The following A1CF variants were observed in gnomAD, a reference collection of about 807,000 sequenced individuals.
A1CF encodes the protein APOBEC1 complementation factor.
A1CF carries 48 observed loss-of-function variants against 68.9 expected under a neutral mutation model. That is an observed-to-expected ratio of 0.70 (90% CI 0.55 to 0.89). The LOEUF (loss-of-function observed/expected upper bound fraction) is 0.89, where lower values mean the gene tolerates loss of function less well. A1CF is among the 40% of genes least tolerant of loss of function. A1CF has a pLI of 0.00. For missense variants in A1CF, 653 were observed against 718.9 expected (o/e 0.91, Z 1.05); for synonymous variants, 272 against 260.4 (o/e 1.04, Z -0.43).
intron 2 of A1CF, chr10:50,862,887 A>G (rs1840810220): frequency 6.6e-6 from 1 of 152,156 alleles, no homozygotes; most frequent in African/African-American, 2.4e-5. Context: ...TATGTGTTAC[A>G]CCTCTTTGAA....
intron 6 of A1CF, among the ~76,000 whole-genome samples, chr10:50,834,316 T>C (rs1325927898): frequency 1.3e-5 from 2 of 152,186 alleles, no homozygotes; most frequent in Non-Finnish European, 2.9e-5. Flanking sequence ...GGGAGGAAAG[T>C]GACTAATTCG....
At chr10:50,877,053 C>T (rs1233269897) in intron 1 of A1CF, among the ~76,000 whole-genome samples, 1 of 152,110 alleles carries the variant, frequency 6.6e-6, no homozygotes, top group African/African-American at 2.4e-5. Flanking sequence ...TCCCAAAATG[C>T]CTGACTTCTA....
chr10:50,873,886 A>C (rs2132594953), intron 1 of A1CF, among the ~76,000 whole-genome samples: 1 of 152,306 alleles, frequency 6.6e-6, no homozygotes, highest in African/African-American at 2.4e-5. Context: ...AAAATACCAT[A>C]GGAACCACTG....
chr10:50,821,618 C>A (rs1220015312), intron 7 of A1CF, among the ~76,000 whole-genome samples: 1 of 151,976 alleles, frequency 6.6e-6, no homozygotes, highest in African/African-American at 2.4e-5. Flanking sequence ...TCACCGCAAC[C>A]CACCCCTCCC....
chr10:50,875,430 A>G (rs761432354), intron 1 of A1CF, among the ~76,000 whole-genome samples: 4 of 152,230 alleles, frequency 2.6e-5, no homozygotes, highest in Non-Finnish European at 5.9e-5. Flanking sequence ...GAAAGGAAGC[A>G]AAAGCTGTGG....
intron 3 of A1CF, among the ~76,000 whole-genome samples, chr10:50,846,534 C>A (rs1472987046): frequency 6.6e-6 from 1 of 151,996 alleles, no homozygotes; most frequent in Non-Finnish European, 1.5e-5. Context: ...GTATTTTTAC[C>A]CTTCAAGTTG....
At chr10:50,852,366 G>C (rs971979188) in intron 3 of A1CF, among the ~76,000 whole-genome samples, 8 of 152,138 alleles carry the variant, frequency 5.3e-5, no homozygotes, top group Non-Finnish European at 1.2e-4. Flanking sequence ...CCTCCACAAA[G>C]GGATTCACAG....
intron 3 of A1CF, among the ~76,000 whole-genome samples, chr10:50,857,723 T>TTGGC (rs1840552361): frequency 6.6e-6 from 1 of 152,180 alleles, no homozygotes; most frequent in South Asian, 2.1e-4. Context: ...GAACAATGGG[T>TTGGC]TGGCCTGCAG....
rs769626580 is a variant in A1CF at position 50,859,913 on chromosome 10, C to T, written c.28G>A (p.Gly10Arg). Residue 10 changes from glycine (G) to arginine (R), a missense_variant, in exon 3 of 13, where the codon GGA (glycine) becomes AGA (arginine). Gly to Arg is a moderately radical substitution (Grantham distance 125). Transcript: ENST00000373997. Reference protein sequence around the residue: MESNHKSGDGLSGTQKEAAL... With the variant: MESNHKSGDRLSGTQKEAAL... ...GCTTCCTTCTGAGTGCCGCTCAATC[C>T]ATCCCCGGATTTGTGATTTGATTCC... The T allele has an allele frequency of 6.2e-7, 1 of 1,614,016 alleles. No individual in the cohort carries two copies. The highest frequency in any genetic ancestry group is 1.1e-5 in the South Asian group (1 of 91,080).
At chr10:50,819,314 G>A (rs1366674610) in intron 8 of A1CF, among the ~76,000 whole-genome samples, 3 of 152,014 alleles carry the variant, frequency 2.0e-5, no homozygotes, top group African/African-American at 4.8e-5. Flanking sequence ...GTAGAGATGA[G>A]GTCTTGCCAT....
intron 11 of A1CF, 31 bp downstream of exon 11, chr10:50,811,009 A>G (rs759361469): frequency 6.3e-7 from 1 of 1,598,300 alleles, no homozygotes; most frequent in East Asian, 2.2e-5. Flanking sequence ...TCCTGCTCTA[A>G]AATGGTAAGG....
intron 1 of A1CF, among the ~76,000 whole-genome samples, chr10:50,882,020 A>G (rs1841796742): frequency 6.6e-6 from 1 of 152,242 alleles, no homozygotes. Flanking sequence ...AGATACCAGC[A>G]TATCTTATAC....
chr10:50,830,750 G>T (rs1839198788), intron 6 of A1CF, among the ~76,000 whole-genome samples: 1 of 152,082 alleles, frequency 6.6e-6, no homozygotes. Flanking sequence ...GTTTTTCACA[G>T]AAATAGAAAA....
At chr10:50,821,505 G>C (rs1053030345) in intron 7 of A1CF, among the ~76,000 whole-genome samples, 1 of 151,804 alleles carries the variant, frequency 6.6e-6, no homozygotes, top group East Asian at 1.9e-4. Context: ...AAAGAAAATA[G>C]ACCTGTATGT....
intron 2 of A1CF, among the ~76,000 whole-genome samples, chr10:50,861,065 G>T (rs138837298): frequency 6.6e-6 from 1 of 152,156 alleles, no homozygotes. Context: ...TATGCGTTGA[G>T]AATTCCTGTA....
Position 50,816,077 on chromosome 10 carries a change from G to A in A1CF, c.1070C>T (p.Pro357Leu). The change falls in exon 9 of 13, where the codon CCC (proline) becomes CTC (leucine). Residue 357 changes from proline (P) to leucine (L), a missense_variant. Pro to Leu is a moderately conservative substitution (Grantham distance 98). Transcript: ENST00000373997. ...FYAPQTYAAI[P>L]SLHFPATKGH... ...TTTGGTGGCTGGGAAATGAAGACTG[G>A]GAATTGCTGCATAGGTCTGGGGGGC... The A allele has an allele frequency of 1.2e-6, 2 of 1,613,820 alleles. No homozygotes were observed. Among genetic ancestry groups the A allele is most frequent in the Non-Finnish European group, 1.7e-6 (2 of 1,179,858 alleles).
intron 3 of A1CF, among the ~76,000 whole-genome samples, chr10:50,852,865 C>A (rs1031105784): frequency 6.6e-6 from 1 of 152,088 alleles, no homozygotes; most frequent in Non-Finnish European, 1.5e-5. Context: ...ATTTGAGGAA[C>A]ATTCAATTAA....
In A1CF at chr10:50,862,108, G is replaced by A. The variant is rs181519014; in HGVS notation, c.-46+1925C>T. Among the ~76,000 whole-genome samples, 326 of 152,170 alleles carry A rather than the reference G, an allele frequency of 2.1e-3. 2 individuals carry two copies. Among genetic ancestry groups the A allele is most frequent in the Non-Finnish European group, 3.5e-3 (240 of 67,984 alleles). On this transcript the variant is annotated intron_variant, in intron 2 of 12. Transcript: ENST00000373997. The stretch of plus-strand genomic sequence containing the variant: ...TGGCCAGGTGCAGTGGCTCTGGCCT[G>A]TAATCCCAGCACTTTGGGAGGCCAA...
At chr10:50,832,867 GTT>G (rs61524223) in intron 6 of A1CF, among the ~76,000 whole-genome samples, 3 of 147,374 alleles carry the variant, frequency 2.0e-5, no homozygotes, top group African/African-American at 7.4e-5. Flanking sequence ...TAGGTACTAT[GTT>G]TTTTTTTTTA....
Sources: gnomAD v4.1 joint callset for allele counts (sites outside exome capture counted in the v4.1 genomes callset) on GRCh38, gnomAD v4.1.1 for gene constraint, MANE v1.5 for transcripts, NCBI Gene and HGNC (gene_info 2026-07-23, HGNC 2026-07-21) for gene names.